The following SLC26A7 variants were observed in gnomAD, a reference collection of about 807,000 sequenced individuals.
The protein encoded by SLC26A7 is solute carrier family 26 member 7, also known as anion exchange transporter.
In SLC26A7, 59 loss-of-function variants were observed where a neutral mutation model predicts 82.5. The ratio of observed to expected loss-of-function variants is 0.72; its 90% confidence interval spans 0.58 to 0.89. The LOEUF is 0.89. SLC26A7 is among the 40% of genes least tolerant of loss of function. SLC26A7 has a pLI of 0.00. For synonymous variants in SLC26A7, 271 were observed against 274.3 expected (o/e 0.99, Z 0.12); for missense variants, 820 against 793.0 (o/e 1.03, Z -0.41).
chr8:91,230,293 T>C (rs147060654), intron 2 of SLC26A7, among the ~76,000 whole-genome samples: 104 of 152,360 alleles, frequency 6.8e-4, no homozygotes, highest in African/African-American at 2.4e-3. Context: ...CTGCCAGTTA[T>C]GTTCTAGACA....
intron 15 of SLC26A7, among the ~76,000 whole-genome samples, chr8:91,377,188 C>T (rs1389219181): frequency 6.6e-6 from 1 of 152,150 alleles, no homozygotes; most frequent in Non-Finnish European, 1.5e-5. Flanking sequence ...CAAGTGCTTT[C>T]CTTCACACAT....
At chr8:91,241,999 A>G (rs1346335122) in intron 2 of SLC26A7, among the ~76,000 whole-genome samples, 1 of 152,200 alleles carries the variant, frequency 6.6e-6, no homozygotes, top group Non-Finnish European at 1.5e-5. Flanking sequence ...GGCAGTGTTC[A>G]GTAAATATTT....
At chr8:91,288,450 C>G (rs1373971620) in intron 2 of SLC26A7, among the ~76,000 whole-genome samples, 5 of 152,148 alleles carry the variant, frequency 3.3e-5, no homozygotes, top group Non-Finnish European at 7.3e-5. Flanking sequence ...ATCATACCAA[C>G]TATGTAGGCA....
At chr8:91,342,778 C>G (rs1813455842) in intron 8 of SLC26A7, among the ~76,000 whole-genome samples, 1 of 152,098 alleles carries the variant, frequency 6.6e-6, no homozygotes, top group Admixed American at 6.6e-5. Context: ...TTAGAGTTGT[C>G]AATGTGTATT....
chr8:91,379,535 A>G (rs548846643), intron 15 of SLC26A7, among the ~76,000 whole-genome samples: 1 of 152,138 alleles, frequency 6.6e-6, no homozygotes, highest in African/African-American at 2.4e-5. Flanking sequence ...TTTATTTATG[A>G]CAAAAATGGC....
At chr8:91,241,412 C>A (rs1188323731) in intron 2 of SLC26A7, among the ~76,000 whole-genome samples, 1 of 152,042 alleles carries the variant, frequency 6.6e-6, no homozygotes, top group Non-Finnish European at 1.5e-5. Context: ...CTTTTCTATA[C>A]TTTCTGAAAT....
Position 91,318,270 on chromosome 8 carries a change from G to A in SLC26A7, c.532G>A (p.Val178Met). Residue 178 changes from valine to methionine, a missense_variant, in exon 5 of 19, where the codon GTG (valine) becomes ATG (methionine). Transcript: ENST00000276609. Reference protein sequence around the residue: ...GSATFVVTEPVISAMTTGAAT... With the variant: ...GSATFVVTEPMISAMTTGAAT... Reference sequence around the variant, plus strand: ...TGCCACATTTGTGGTCACAGAGCCTGTGATCAGCGCAATGACAACTGGGGC... The same window carrying A: ...TGCCACATTTGTGGTCACAGAGCCTATGATCAGCGCAATGACAACTGGGGC... 6.2e-7 allele frequency: 1 copy of A among 1,610,448 alleles called. No homozygotes were observed.
chr8:91,393,878 G>T, intron 17 of SLC26A7, 27 bp downstream of exon 17: 4 of 1,613,400 alleles, frequency 2.5e-6, no homozygotes, highest in Non-Finnish European at 3.4e-6. Context: ...GACTAACGTT[G>T]AATGTGATTT....
At chr8:91,304,288 C>A (rs908333957) in intron 4 of SLC26A7, among the ~76,000 whole-genome samples, 1 of 152,132 alleles carries the variant, frequency 6.6e-6, no homozygotes, top group Non-Finnish European at 1.5e-5. Flanking sequence ...AGGAGAGGAA[C>A]CTGGTGGGAA....
intron 14 of SLC26A7, 56 bp from the exon 15 acceptor site, chr8:91,369,729 C>T: frequency 7.8e-7 from 1 of 1,288,048 alleles, no homozygotes; most frequent in East Asian, 2.7e-5. Flanking sequence ...TGATTTTTTT[C>T]AGACAGAAGT....
chr8:91,362,579 T>C (rs1000503234), intron 12 of SLC26A7, 120 bp downstream of exon 12: 2 of 636,680 alleles, frequency 3.1e-6, no homozygotes, highest in Non-Finnish European at 5.3e-6. Flanking sequence ...TACAATCTCA[T>C]GTTTTTCTTG....
intron 1 of SLC26A7, among the ~76,000 whole-genome samples, chr8:91,218,301 T>G (rs1810092208): frequency 6.6e-6 from 1 of 152,052 alleles, no homozygotes; most frequent in South Asian, 2.1e-4. Context: ...ACATAAATGG[T>G]CAATATATGT....
At chr8:91,253,066 C>T (rs1165858667) in intron 2 of SLC26A7, among the ~76,000 whole-genome samples, 4 of 152,014 alleles carry the variant, frequency 2.6e-5, no homozygotes, top group African/African-American at 9.7e-5. Context: ...CCATTCGAAC[C>T]AGAACTATAA....
intron 11 of SLC26A7, among the ~76,000 whole-genome samples, chr8:91,360,410 G>A (rs1814017478): frequency 6.6e-6 from 1 of 152,110 alleles, no homozygotes; most frequent in African/African-American, 2.4e-5. Context: ...CTTGATAACT[G>A]TGACAACTAG....
chr8:91,256,186 A>G (rs968445978), intron 2 of SLC26A7, among the ~76,000 whole-genome samples: 4 of 152,058 alleles, frequency 2.6e-5, no homozygotes, highest in African/African-American at 9.7e-5. Context: ...ACGAAACCAG[A>G]TTTTCTGGAA....
chr8:91,246,016 G>GA (rs898099013), upstream of SLC26A7, among the ~76,000 whole-genome samples: 5 of 152,086 alleles, frequency 3.3e-5, no homozygotes, highest in African/African-American at 1.2e-4. Context: ...TAACTGTGTT[G>GA]AAAAAAGAAC....
At chr8:91,274,755 A>G (rs780252732) in intron 2 of SLC26A7, among the ~76,000 whole-genome samples, 66 of 152,358 alleles carry the variant, frequency 4.3e-4, no homozygotes, top group Middle Eastern at 3.4e-3. Flanking sequence ...TGAATTAAGC[A>G]TACAAAGTGC....
rs1390665980 is a variant in SLC26A7, at chr8:91,369,830, A to C, written c.1672A>C (p.Asn558His). The change falls in exon 15 of 19, where the codon AAT (asparagine) becomes CAT (histidine). Residue 558 changes from asparagine (N) to histidine (H), a missense_variant. Coordinates refer to ENST00000276609, the MANE Select transcript of SLC26A7 (RefSeq NM_052832.4). ...TAATTCCCTATCCAATGGCAACTGC[A>C]ATGGTGAGTTAGCTTTAAGGAAAAA... ...LLNSLSNGNC[N>H]EEASQSCPNE... The C allele has an allele frequency of 6.2e-7, 1 of 1,604,778 alleles. No individual in the cohort carries two copies. The highest frequency in any genetic ancestry group is 1.1e-5 in the South Asian group (1 of 89,814).
chr8:91,351,886 T>C lies in SLC26A7; in HGVS notation c.1217T>C (p.Met406Thr). The C allele has an allele frequency of 6.2e-7, 1 of 1,605,238 alleles. No homozygotes were observed. The highest frequency in any genetic ancestry group is 1.1e-5 in the South Asian group (1 of 90,864). The change falls in exon 10 of 19, where the codon ATG becomes ACG. Residue 406 changes from methionine to threonine, a missense_variant and splice_region_variant. Coordinates refer to ENST00000276609, the MANE Select transcript of SLC26A7 (RefSeq NM_052832.4). The part of the protein sequence containing the change: ...AIGPLLYWLP[M>T]CVLASIIVVG... ...GGACCTTTGCTTTACTGGCTGCCCA[T>C]GGTACGGTAGTGCTTTTTCACTATC... is the stretch of plus-strand genomic sequence containing the variant.
Sources: gnomAD v4.1 joint callset for allele counts (sites outside exome capture counted in the v4.1 genomes callset) on GRCh38, gnomAD v4.1.1 for gene constraint, MANE v1.5 for transcripts, NCBI Gene and HGNC (gene_info 2026-07-23, HGNC 2026-07-21) for gene names.